Variants in ADAM28 observed in about 807,000 individuals in gnomAD.
ADAM28 encodes disintegrin and metalloproteinase domain-containing protein 28.
In ADAM28, 105 loss-of-function variants were observed where a neutral mutation model predicts 101.2. That is an observed-to-expected ratio of 1.04 (90% CI 0.89 to 1.22). The LOEUF is 1.22. ADAM28 is among the 50% of genes most tolerant of loss of function. ADAM28 has a pLI of 0.00. For missense variants in ADAM28, 1,028 were observed against 945.4 expected, an observed-to-expected ratio of 1.09 and a Z score of -1.15; for synonymous variants, 322 against 310.6, an observed-to-expected ratio of 1.04 and a Z score of -0.39.
intron 14 of ADAM28, among the ~76,000 whole-genome samples, chr8:24,336,560 A>G (rs1814088545): frequency 6.7e-6 from 1 of 148,402 alleles, no homozygotes; most frequent in Non-Finnish European, 1.5e-5. Flanking sequence ...AGCCTGGGTG[A>G]CAAAGCCAGA....
Position 24,357,841 on chromosome 8 carries a change from C to T in ADAM28, c.*3437C>T, listed in dbSNP as rs997268721. ...AGCACCGAGGATTTGCTTGAAATCT[C>T]TGATAGCCAGTATTCTCATTTATCA... On this transcript the variant is annotated 3_prime_UTR_variant, in exon 23 of 23. Coordinates refer to ENST00000265769, the MANE Select transcript of ADAM28 (RefSeq NM_014265.6). The T allele has an allele frequency of 6.6e-6, 1 of 152,130 alleles. No individual in the cohort carries two copies. The highest frequency in any genetic ancestry group is 1.5e-5 in the Non-Finnish European group (1 of 68,032). 9.4% of individuals were successfully genotyped at this position (152,130 alleles called of 1,614,324 possible). A position where few individuals can be genotyped will look rare whatever the true frequency, so the allele number is the denominator to read the frequency against.
At chr8:24,316,194 A>G (rs1811140751) in intron 6 of ADAM28, among the ~76,000 whole-genome samples, 1 of 151,900 alleles carries the variant, frequency 6.6e-6, no homozygotes, top group Non-Finnish European at 1.5e-5. Flanking sequence ...AGCTAGGAAC[A>G]TGTTTTTCCA....
At chr8:24,329,320 A>T (rs1010374060) in intron 10 of ADAM28, among the ~76,000 whole-genome samples, 4 of 152,126 alleles carry the variant, frequency 2.6e-5, no homozygotes, top group African/African-American at 7.2e-5. Context: ...CTGTAGGTGG[A>T]TGTTACTGGC....
chr8:24,309,167 A>C (rs1402539307), intron 2 of ADAM28, among the ~76,000 whole-genome samples: 3 of 152,168 alleles, frequency 2.0e-5, no homozygotes, highest in Non-Finnish European at 4.4e-5. Context: ...ATCCAAGTTT[A>C]AAATAATTTT....
chr8:24,343,255 A>C, intron 17 of ADAM28, 74 bp downstream of exon 17: 1 of 1,541,240 alleles, frequency 6.5e-7, no homozygotes. Flanking sequence ...AGAAAGCTAA[A>C]GGAATATTTT....
rs371817854 is a variant in ADAM28 at position 24,349,854 on chromosome 8, T to A, written c.1991-10T>A. 3.8e-5 allele frequency: 61 copies of A among 1,612,748 alleles called. 1 individual carries two copies. In the Admixed American group the frequency reaches 4.0e-4, roughly 11 times the overall value. On this transcript the variant is annotated splice_polypyrimidine_tract_variant and intron_variant, in intron 18 of 22. Coordinates refer to ENST00000265769, the MANE Select transcript of ADAM28 (RefSeq NM_014265.6). ...TGCAGTCCTCAGCGGGCCCCTGTTCTCTGCTGCAGACTTCTCCATTGTGGT... is the reference window on the plus strand; with the variant it reads ...TGCAGTCCTCAGCGGGCCCCTGTTCACTGCTGCAGACTTCTCCATTGTGGT...
At position 24,335,987 on chromosome 8, in the gene ADAM28, C is replaced by A. The variant is rs1651524410; in HGVS notation, c.1567+346C>A. On this transcript the variant is annotated intron_variant, in intron 14 of 22. Coordinates refer to ENST00000265769, the MANE Select transcript of ADAM28 (RefSeq NM_014265.6). ...ATTAAACTGGGTGTCTTTTTCTTTT[C>A]ATCTGGCAACCCTACTAAGATCATA... 5.8e-6 allele frequency: 6 copies of A among 1,040,270 alleles called. No individual in the cohort carries two copies. The African/African-American group carries it at 6.8e-5, about 12-fold the overall frequency. The allele number at this position is 1,040,270 out of a possible 1,614,324, so 64.4% of individuals were successfully genotyped here.
At chr8:24,309,673 G>A (rs1327439319) in intron 2 of ADAM28, among the ~76,000 whole-genome samples, 1 of 152,084 alleles carries the variant, frequency 6.6e-6, no homozygotes, top group Non-Finnish European at 1.5e-5. Flanking sequence ...AGGGATGGAT[G>A]GATGGAAGGA....
chr8:24,299,912 C>A, intron 1 of ADAM28, 62 bp from the exon 2 acceptor site: 2 of 1,314,138 alleles, frequency 1.5e-6, no homozygotes, highest in South Asian at 1.3e-5. Flanking sequence ...TAAGGATGGC[C>A]TTTACTGACC....
intron 2 of ADAM28, among the ~76,000 whole-genome samples, chr8:24,304,115 G>A (rs770293671): frequency 6.6e-6 from 1 of 151,316 alleles, no homozygotes; most frequent in Non-Finnish European, 1.5e-5. Flanking sequence ...CAAGTGAAGT[G>A]TTTTTAATCA....
intron 15 of ADAM28, among the ~76,000 whole-genome samples, chr8:24,340,383 G>A (rs550273998): frequency 2.2e-4 from 33 of 152,076 alleles, no homozygotes; most frequent in South Asian, 4.2e-4. Flanking sequence ...AATCATTTTC[G>A]GTGGTCTTGT....
At chr8:24,328,310 G>A (rs980789066) in intron 10 of ADAM28, among the ~76,000 whole-genome samples, 1 of 151,722 alleles carries the variant, frequency 6.6e-6, no homozygotes, top group Non-Finnish European at 1.5e-5. Context: ...TGGATTCAAG[G>A]GAAGTTATAG....
At chr8:24,302,390 G>A (rs752654899) in intron 2 of ADAM28, among the ~76,000 whole-genome samples, 20 of 152,262 alleles carry the variant, frequency 1.3e-4, no homozygotes, top group South Asian at 8.3e-4. Context: ...GAATAGTGCC[G>A]CAATGAACAT....
intron 4 of ADAM28, 93 bp downstream of exon 4, chr8:24,310,334 C>A: frequency 1.1e-5 from 12 of 1,067,858 alleles, no homozygotes; most frequent in Middle Eastern, 2.1e-4. Context: ...AGTGAAACTG[C>A]ATTTGTAACA....
At chr8:24,337,019 A>G (rs146436645) in intron 14 of ADAM28, among the ~76,000 whole-genome samples, 12 of 152,350 alleles carry the variant, frequency 7.9e-5, no homozygotes, top group Non-Finnish European at 1.8e-4. Context: ...GATTGAGAAA[A>G]TCAACAAAAA....
chr8:24,312,423 C>A (rs1810590878), intron 5 of ADAM28, among the ~76,000 whole-genome samples: 1 of 152,062 alleles, frequency 6.6e-6, no homozygotes, highest in African/African-American at 2.4e-5. Context: ...CTTATTGATT[C>A]TATCTTCTAA....
intron 9 of ADAM28, among the ~76,000 whole-genome samples, 163 bp downstream of exon 9, chr8:24,324,166 T>TA (rs1045478033): frequency 2.6e-5 from 4 of 151,670 alleles, no homozygotes; most frequent in Non-Finnish European, 4.4e-5. Flanking sequence ...GTATTTTTTT[T>TA]AAAAAAAGAG....
intron 2 of ADAM28, among the ~76,000 whole-genome samples, chr8:24,305,975 T>C (rs988137047): frequency 8.5e-5 from 13 of 152,176 alleles, no homozygotes; most frequent in African/African-American, 3.1e-4. Flanking sequence ...TTCCAGCTGT[T>C]CACAGGGAGA....
At chr8:24,321,330 T>C in intron 8 of ADAM28, 41 bp downstream of exon 8, 1 of 1,475,220 alleles carries the variant, frequency 6.8e-7, no homozygotes, top group Non-Finnish European at 9.5e-7. Context: ...AACAGTTTGC[T>C]GGGAGATGTC....
Sources: allele counts gnomAD v4.1 joint callset (sites outside exome capture counted in the v4.1 genomes callset), GRCh38; gene constraint gnomAD v4.1.1; transcripts MANE v1.5; gene names NCBI Gene and HGNC (gene_info 2026-07-23, HGNC 2026-07-21).